WDPCP: variants seen among roughly 807,000 people sequenced by gnomAD.
The protein encoded by WDPCP is WD repeat containing planar cell polarity effector, also known as WD repeat-containing and planar cell polarity effector protein fritz homolog.
Under a neutral mutation model 93.1 loss-of-function variants are expected in WDPCP, and 71 were observed. The ratio of observed to expected loss-of-function variants is 0.76; its 90% CI spans 0.63 to 0.93. The LOEUF (loss-of-function observed/expected upper bound fraction) is 0.93, where lower values mean the gene tolerates loss of function less well. Ranked by LOEUF, WDPCP falls within the 40% of genes least tolerant of loss-of-function variation. The pLI is 0.00. For synonymous variants in WDPCP, 315 were observed against 315.0 expected (o/e 1.00, Z 0.00); for missense variants, 844 against 887.4 (o/e 0.95, Z 0.62).
At chr2:63,550,675 T>TTATATA (rs975046049) in intron 1 of WDPCP, among the ~76,000 whole-genome samples, 1 of 149,004 alleles carries the variant, frequency 6.7e-6, no homozygotes. Context: ...ATCTCAAGCA[T>TTATATA]TATATATATA....
chr2:63,643,037 G>A (rs959942645), intron 3 of WDPCP: 7 of 153,994 alleles, frequency 4.5e-5, no homozygotes, highest in Non-Finnish European at 1.0e-4. Context: ...ATCATGAAGG[G>A]ATGTTGAATT....
At chr2:63,639,768 T>C (rs1443621733) in intron 3 of WDPCP, among the ~76,000 whole-genome samples, 1 of 152,136 alleles carries the variant, frequency 6.6e-6, no homozygotes, top group Non-Finnish European at 1.5e-5. Flanking sequence ...ACTACAAACG[T>C]AACAAAATGG....
chr2:63,488,190 A>C (rs1186749283), intron 2 of WDPCP, among the ~76,000 whole-genome samples: 1 of 152,184 alleles, frequency 6.6e-6, no homozygotes, highest in East Asian at 1.9e-4. Flanking sequence ...TGAATAATAA[A>C]ATATTTCTTT....
chr2:63,300,717 A>T (rs1158964736), intron 13 of WDPCP, among the ~76,000 whole-genome samples: 1 of 152,212 alleles, frequency 6.6e-6, no homozygotes, highest in Non-Finnish European at 1.5e-5. Flanking sequence ...GTAACTGGGG[A>T]TATAGCTCAA....
chr2:63,417,453 T>G (rs1419890812), intron 9 of WDPCP, among the ~76,000 whole-genome samples: 1 of 151,984 alleles, frequency 6.6e-6, no homozygotes, highest in Non-Finnish European at 1.5e-5. Flanking sequence ...TTATTCATAC[T>G]TAACAATGTG....
chr2:63,752,046 T>A, intron 2 of WDPCP: 1 of 623,400 alleles, frequency 1.6e-6, no homozygotes. Flanking sequence ...CAGAACCACT[T>A]CAACCTCTTT....
intron 2 of WDPCP, among the ~76,000 whole-genome samples, chr2:63,669,340 T>C (rs1054022593): frequency 1.4e-5 from 2 of 147,296 alleles, no homozygotes; most frequent in Non-Finnish European, 3.0e-5. Context: ...TCTTCTACAA[T>C]GTCTAATTTT....
chr2:63,501,593 T>C (rs1701555990), intron 1 of WDPCP, among the ~76,000 whole-genome samples: 1 of 152,090 alleles, frequency 6.6e-6, no homozygotes, highest in African/African-American at 2.4e-5. Context: ...TTAAATGCAT[T>C]AGGCCTCTGT....
At chr2:63,136,267 T>G (rs1237097720) in intron 17 of WDPCP, among the ~76,000 whole-genome samples, 1 of 152,192 alleles carries the variant, frequency 6.6e-6, no homozygotes, top group Non-Finnish European at 1.5e-5. Flanking sequence ...AGGTAATGGT[T>G]AAAATAAGTA....
intron 2 of WDPCP, among the ~76,000 whole-genome samples, chr2:63,776,250 A>G (rs568128343): frequency 2.0e-4 from 30 of 152,026 alleles, no homozygotes; most frequent in Non-Finnish European, 4.0e-4. Flanking sequence ...CACACCTCAG[A>G]TAAAGGAATT....
chr2:63,351,642 G>A (rs1173282368), intron 12 of WDPCP, among the ~76,000 whole-genome samples: 2 of 152,138 alleles, frequency 1.3e-5, no homozygotes, highest in Admixed American at 1.3e-4. Context: ...TGGTATACAG[G>A]TACCACATTT....
At chr2:63,255,876 AG>A (rs1681091570) in intron 14 of WDPCP, among the ~76,000 whole-genome samples, 1 of 77,672 alleles carries the variant, frequency 1.3e-5, no homozygotes, top group Non-Finnish European at 4.2e-5. Context: ...TATATACAAC[AG>A]TCAATTGTAT....
chr2:63,811,030 A>AGC (rs1670854593), intron 2 of WDPCP, among the ~76,000 whole-genome samples: 1 of 152,240 alleles, frequency 6.6e-6, no homozygotes, highest in Non-Finnish European at 1.5e-5. Context: ...TCTATAAAAT[A>AGC]CTAACTCATA....
intron 3 of WDPCP, among the ~76,000 whole-genome samples, chr2:63,629,626 C>A (rs1013188864): frequency 6.6e-6 from 1 of 152,204 alleles, no homozygotes; most frequent in African/African-American, 2.4e-5. Flanking sequence ...CACACTCCTA[C>A]CCCTTTCAGT....
chr2:63,194,788 T>A (rs776002745), intron 14 of WDPCP, among the ~76,000 whole-genome samples: 32 of 152,240 alleles, frequency 2.1e-4, no homozygotes, highest in Non-Finnish European at 4.0e-4. Flanking sequence ...AAGTAGATAT[T>A]TGAACCAGTT....
intron 2 of WDPCP, among the ~76,000 whole-genome samples, chr2:63,692,067 A>G (rs1227164372): frequency 6.6e-6 from 1 of 152,190 alleles, no homozygotes; most frequent in Non-Finnish European, 1.5e-5. Context: ...TCCTGGAAGG[A>G]CATTTTCTTC....
intron 17 of WDPCP, among the ~76,000 whole-genome samples, chr2:63,136,255 C>G (rs1047477063): frequency 2.0e-5 from 3 of 152,038 alleles, no homozygotes; most frequent in African/African-American, 7.2e-5. Flanking sequence ...AAGCCTAGAG[C>G]TAGGTAATGG....
chr2:63,622,864 A>C, intron 3 of WDPCP: 2 of 1,559,062 alleles, frequency 1.3e-6, no homozygotes, highest in Non-Finnish European at 1.7e-6. Context: ...GCACCCGCGC[A>C]GCATCAGGGG....
At chr2:63,698,025 G>A (rs373601292) in intron 2 of WDPCP, among the ~76,000 whole-genome samples, 2 of 151,770 alleles carry the variant, frequency 1.3e-5, no homozygotes, top group Admixed American at 6.6e-5. Flanking sequence ...GCGTGATCTC[G>A]GCTCACTGCA....
Sources: gnomAD v4.1 joint callset for allele counts (sites outside exome capture counted in the v4.1 genomes callset) on GRCh38, gnomAD v4.1.1 for gene constraint, MANE v1.5 for transcripts, NCBI Gene and HGNC (gene_info 2026-07-23, HGNC 2026-07-21) for gene names.